The following CCSER1 variants were observed in gnomAD, a reference collection of about 807,000 sequenced individuals.
CCSER1 encodes serine-rich coiled-coil domain-containing protein 1.
CCSER1 carries 41 observed loss-of-function variants against 82.0 expected under a neutral mutation model. The observed-to-expected ratio is 0.50, with a 90% CI of 0.39 to 0.65. The LOEUF is 0.65. Ranked by LOEUF, CCSER1 falls within the 30% of genes least tolerant of loss-of-function variation. The pLI is 0.00. For missense variants in CCSER1, 1,119 were observed against 1,064.2 expected (o/e 1.05, Z -0.72); for synonymous variants, 414 against 383.9 (o/e 1.08, Z -0.92).
At chr4:90,449,084 A>G (rs1423644594) in intron 4 of CCSER1, among the ~76,000 whole-genome samples, 1 of 152,182 alleles carries the variant, frequency 6.6e-6, no homozygotes, top group Non-Finnish European at 1.5e-5. Context: ...CACAGTGGAT[A>G]GCTCCTCTCC....
At chr4:90,163,881 A>T (rs1317637291) in intron 1 of CCSER1, among the ~76,000 whole-genome samples, 1 of 152,156 alleles carries the variant, frequency 6.6e-6, no homozygotes, top group East Asian at 1.9e-4. Context: ...ATTCACTAAA[A>T]ATACCTTCTT....
At chr4:91,382,338 G>T (rs1217435855) in intron 10 of CCSER1, among the ~76,000 whole-genome samples, 1 of 152,212 alleles carries the variant, frequency 6.6e-6, no homozygotes, top group Non-Finnish European at 1.5e-5. Context: ...GCCTCCTTCA[G>T]CTGCAGTGAG....
intron 9 of CCSER1, among the ~76,000 whole-genome samples, chr4:91,068,654 T>A (rs1581468637): frequency 6.6e-6 from 1 of 152,282 alleles, no homozygotes; most frequent in South Asian, 2.1e-4. Flanking sequence ...TAATAATTAT[T>A]AAAAATGTAA....
intron 3 of CCSER1, chr4:90,325,740 C>A: frequency 8.3e-6 from 3 of 361,956 alleles, no homozygotes; most frequent in East Asian, 7.9e-5. Context: ...ACAATGAAGA[C>A]GATTTATTTT....
rs550628240 is a variant in CCSER1 at position 91,130,814 on chromosome 4, C to T, written c.2217+44820C>T. On this transcript the variant is annotated intron_variant, in intron 10 of 10. Transcript: ENST00000509176. ...ACATAAAATGCAATGTTAATAATAACGAGTTCAAGATCTGTACATAAGACA... is the reference window on the plus strand; with the variant it reads ...ACATAAAATGCAATGTTAATAATAATGAGTTCAAGATCTGTACATAAGACA... Among the ~76,000 whole-genome samples, 11 of 151,642 alleles carry T rather than the reference C, an allele frequency of 7.3e-5. 1 individual carries two copies. The South Asian group carries it at 2.3e-3, about 32-fold the overall frequency.
intron 9 of CCSER1, among the ~76,000 whole-genome samples, chr4:91,071,337 A>G (rs1230173134): frequency 6.6e-6 from 1 of 152,194 alleles, no homozygotes; most frequent in Non-Finnish European, 1.5e-5. Flanking sequence ...TAGGCAGAAG[A>G]TTGTAATATT....
At chr4:91,273,347 GTTTT>G (rs966733492) in intron 10 of CCSER1, among the ~76,000 whole-genome samples, 7 of 151,602 alleles carry the variant, frequency 4.6e-5, no homozygotes, top group African/African-American at 1.7e-4. Flanking sequence ...GTGTTTGTTT[GTTTT>G]TTTGTTTTTT....
chr4:91,445,326 C>G (rs1755480389), intron 10 of CCSER1, among the ~76,000 whole-genome samples: 1 of 150,810 alleles, frequency 6.6e-6, no homozygotes, highest in Non-Finnish European at 1.5e-5. Flanking sequence ...TATTTTGCAA[C>G]AGTTTTTGTA....
intron 1 of CCSER1, among the ~76,000 whole-genome samples, chr4:90,158,262 G>A (rs949759099): frequency 1.4e-4 from 22 of 152,264 alleles, no homozygotes; most frequent in South Asian, 4.2e-4. Context: ...GTACCTGGTC[G>A]TGTGAGGTGT....
intron 10 of CCSER1, among the ~76,000 whole-genome samples, chr4:91,250,527 C>T (rs1478104991): frequency 6.6e-6 from 1 of 151,582 alleles, no homozygotes. Flanking sequence ...CATTTGGATT[C>T]CCCTAAATTT....
intron 1 of CCSER1, among the ~76,000 whole-genome samples, chr4:90,243,787 G>T (rs1287850563): frequency 6.6e-6 from 1 of 151,858 alleles, no homozygotes; most frequent in Non-Finnish European, 1.5e-5. Context: ...ACATAAATAA[G>T]CAGGGTGAAT....
intron 5 of CCSER1, among the ~76,000 whole-genome samples, chr4:90,528,912 G>A (rs1432123359): frequency 7.9e-5 from 12 of 152,070 alleles, no homozygotes; most frequent in Admixed American, 3.3e-4. Context: ...GTTAATGGTT[G>A]AGCAAGGATT....
intron 5 of CCSER1, among the ~76,000 whole-genome samples, chr4:90,602,248 C>A (rs1049868112): frequency 3.3e-5 from 5 of 152,014 alleles, no homozygotes; most frequent in Non-Finnish European, 4.4e-5. Flanking sequence ...ACTAACAACC[C>A]CCTTTTTCAA....
At chr4:90,465,891 T>C (rs558163934) in intron 4 of CCSER1, among the ~76,000 whole-genome samples, 1 of 152,278 alleles carries the variant, frequency 6.6e-6, no homozygotes, top group African/African-American at 2.4e-5. Flanking sequence ...AACTAAACCA[T>C]GTAAGTGAAG....
At chr4:90,563,357 G>T (rs1029773184) in intron 5 of CCSER1, among the ~76,000 whole-genome samples, 1 of 150,196 alleles carries the variant, frequency 6.7e-6, no homozygotes, top group Non-Finnish European at 1.5e-5. Flanking sequence ...TGATTTGCCC[G>T]CCTCAGGCTC....
At chr4:90,430,877 CAAATTTTAATAATTT>C (rs1758181137) in intron 4 of CCSER1, among the ~76,000 whole-genome samples, 1 of 151,754 alleles carries the variant, frequency 6.6e-6, no homozygotes, top group Non-Finnish European at 1.5e-5. Context: ...GGCATATGCT[CAAATTTTAATAATTT>C]AAATTTTTAG....
At chr4:91,042,055 G>C (rs1742006310) in intron 9 of CCSER1, among the ~76,000 whole-genome samples, 1 of 152,112 alleles carries the variant, frequency 6.6e-6, no homozygotes, top group African/African-American at 2.4e-5. Flanking sequence ...ACAAGATATT[G>C]TCTCGTTTTT....
At chr4:90,748,306 A>G (rs1218290403) in intron 7 of CCSER1, among the ~76,000 whole-genome samples, 5 of 149,286 alleles carry the variant, frequency 3.3e-5, no homozygotes, top group African/African-American at 9.9e-5. Flanking sequence ...TTGTTCTTGC[A>G]ATAGTTTACT....
intron 3 of CCSER1, among the ~76,000 whole-genome samples, chr4:90,365,187 A>AT: frequency 6.6e-6 from 1 of 152,028 alleles, no homozygotes; most frequent in East Asian, 1.9e-4. Flanking sequence ...TTCACAGAAG[A>AT]TTTTCACAGT....
Sources: allele counts gnomAD v4.1 joint callset (sites outside exome capture counted in the v4.1 genomes callset), GRCh38; gene constraint gnomAD v4.1.1; transcripts MANE v1.5; gene names NCBI Gene and HGNC (gene_info 2026-07-23, HGNC 2026-07-21).